Variants in CEP131 observed in about 807,000 individuals in gnomAD.
The protein encoded by CEP131 is centrosomal protein of 131 kDa.
A neutral mutation model predicts 136.8 loss-of-function variants in CEP131; 99 were observed. That is an observed-to-expected ratio of 0.72 (90% CI 0.62 to 0.86). The LOEUF is 0.86. Ranked by LOEUF, CEP131 falls within the 40% of genes least tolerant of loss-of-function variation. The probability of loss-of-function intolerance (pLI) is 0.00; values close to 1 mark genes in which losing one functional copy is unlikely to be tolerated. For synonymous variants in CEP131, 646 were observed against 612.7 expected (o/e 1.05, Z -0.80); for missense variants, 1,459 against 1,463.0 (o/e 1.00, Z 0.04).
intron 12 of CEP131, 106 bp downstream of exon 12, chr17:81,198,009 A>G (rs2061803397): frequency 6.7e-7 from 1 of 1,489,638 alleles, no homozygotes; most frequent in Non-Finnish European, 8.9e-7. Flanking sequence ...TAAAGCCAGG[A>G]GGAGCCTGTG....
At position 81,202,284 on chromosome 17, in the gene CEP131, CGTG is replaced by C; in HGVS notation, c.741_743del (p.Ser247_Thr248delinsArg). The C allele has an allele frequency of 6.2e-7, 1 of 1,612,790 alleles. No homozygotes were observed. Among genetic ancestry groups the C allele is most frequent in the Non-Finnish European group, 8.5e-7 (1 of 1,179,592 alleles). ...TCACCTCCTTCCGCCTGGGCAAGCC[CGTG>C]CTGCCCCCAGTATTGTTCCGGGCTG... On this transcript the variant is annotated inframe_deletion, in exon 7 of 26. Coordinates refer to ENST00000450824, the MANE Select transcript of CEP131 (RefSeq NM_014984.4).
intron 7 of CEP131, among the ~76,000 whole-genome samples, chr17:81,202,026 G>A (rs1044448580): frequency 1.1e-4 from 17 of 152,044 alleles, no homozygotes; most frequent in Non-Finnish European, 2.2e-4. Flanking sequence ...GTGTGAACCC[G>A]GGAGGCAGAG....
intron 18 of CEP131, 126 bp downstream of exon 18, chr17:81,193,786 GGCCAAGGGCCCTGC>G (rs1207796723): frequency 4.1e-6 from 4 of 975,884 alleles, no homozygotes; most frequent in Non-Finnish European, 5.8e-6. Flanking sequence ...GCCACTCCAG[GGCCAAGGGCCCTGC>G]GTCCTCCCTG....
intron 21 of CEP131, among the ~76,000 whole-genome samples, chr17:81,191,849 C>A (rs2061647978): frequency 6.6e-6 from 1 of 152,172 alleles, no homozygotes. Flanking sequence ...GGGTGTGAAA[C>A]CAGGTGACGG....
intron 1 of CEP131, among the ~76,000 whole-genome samples, chr17:81,220,524 C>T (rs2062364029): frequency 6.6e-6 from 1 of 152,120 alleles, no homozygotes; most frequent in African/African-American, 2.4e-5. Flanking sequence ...AACAGAGTCT[C>T]GTTCTTGTCA....
chr17:81,197,576 G>A lies in CEP131; in HGVS notation c.1647+136C>T, dbSNP rs1376408720. 9.8e-5 allele frequency: 127 copies of A among 1,297,614 alleles called. 2 individuals carry two copies. In the African/African-American group the frequency reaches 1.9e-3, roughly 20 times the overall value. The allele number at this position is 1,297,614 out of a possible 1,614,324, so 80.4% of individuals were successfully genotyped here. A position where few individuals can be genotyped will look rare whatever the true frequency, so the allele number is the denominator to read the frequency against. On this transcript the variant is annotated intron_variant, in intron 13 of 25. Transcript: ENST00000450824. ...GACCACCTCCTGCTGGGGGCCGGGTGGGGGCTGGCGAGAGACCTCCTCCCC... is the reference window on the plus strand; with the variant it reads ...GACCACCTCCTGCTGGGGGCCGGGTAGGGGCTGGCGAGAGACCTCCTCCCC...
chr17:81,209,150 A>G, intron 2 of CEP131, 128 bp from the exon 3 acceptor site: 1 of 695,730 alleles, frequency 1.4e-6, no homozygotes, highest in Non-Finnish European at 2.4e-6. Context: ...AGGTGGCCCA[A>G]GTGGCCTCAA....
chr17:81,192,868 T>C, intron 18 of CEP131, 25 bp from the exon 19 acceptor site: 1 of 1,590,140 alleles, frequency 6.3e-7, no homozygotes, highest in Non-Finnish European at 8.5e-7. Context: ...GGACTGGCTC[T>C]CGGGGGCCGG....
At chr17:81,218,348 C>G (rs776226820) in intron 2 of CEP131, among the ~76,000 whole-genome samples, 1 of 152,184 alleles carries the variant, frequency 6.6e-6, no homozygotes, top group Non-Finnish European at 1.5e-5. Context: ...CAGCCCAGAT[C>G]TGCGATTTCG....
Position 81,192,541 on chromosome 17 carries a change from C to T in CEP131, c.2482G>A (p.Ala828Thr), listed in dbSNP as rs2061664297. The change falls in exon 20 of 26, where the codon GCA (alanine) becomes ACA (threonine). Residue 828 changes from alanine (A) to threonine (T), a missense_variant. Around this residue, in one of 3 missense-constraint regions of CEP131, gnomAD observed 1,026 missense variants for 964.2 expected, o/e 1.06. Transcript: ENST00000450824. ...LRQQLEESSS[A>T]LTRALRAEFE... Reference sequence around the variant, plus strand: ...TCAGCCCTCAGGGCTCGGGTCAGTGCAGAGCTGCTCTCCTCCAGCTGCTGC... The same window carrying T: ...TCAGCCCTCAGGGCTCGGGTCAGTGTAGAGCTGCTCTCCTCCAGCTGCTGC... 1 of 1,610,400 alleles carries T rather than the reference C, an allele frequency of 6.2e-7. No homozygotes were observed. The highest frequency in any genetic ancestry group is 8.5e-7 in the Non-Finnish European group (1 of 1,179,560).
intron 15 of CEP131, 70 bp downstream of exon 15, chr17:81,196,631 G>A: frequency 1.3e-6 from 2 of 1,534,416 alleles, no homozygotes; most frequent in Admixed American, 2.0e-5. Context: ...GCAGTGGGAA[G>A]CCCCTGGCTC....
chr17:81,198,193 C>A lies in CEP131; in HGVS notation c.1392G>T (p.Leu464=). Residue 464 remains leucine, a synonymous_variant, in exon 12 of 26, where the codon CTG becomes CTT. Transcript: ENST00000450824. ...CGTCCGGCTCCTTCTCCAGCAGCTG[C>A]AGTGTGTGCAGCAGCTCCTCCAGTG... ...RGPLEELLHT[L]QLLEKEPDVL... is the part of the protein sequence containing the mutation. 6.3e-7 allele frequency: 1 copy of A among 1,588,376 alleles called. No homozygotes were observed. The highest frequency in any genetic ancestry group is 8.6e-7 in the Non-Finnish European group (1 of 1,167,244).
intron 2 of CEP131, among the ~76,000 whole-genome samples, chr17:81,211,084 G>A (rs1038438227): frequency 5.9e-5 from 9 of 152,198 alleles, no homozygotes; most frequent in African/African-American, 1.7e-4. Flanking sequence ...AAGTACTCAC[G>A]GGCTTGGTCA....
In CEP131 at chr17:81,192,554, C is replaced by T. The variant is rs748407298; in HGVS notation, c.2469G>A (p.Glu823=). 1.9e-6 allele frequency: 3 copies of T among 1,609,792 alleles called. No homozygotes were observed. Among genetic ancestry groups the T allele is most frequent in the East Asian group, 4.5e-5 (2 of 44,834 alleles). Residue 823 remains glutamate, a synonymous_variant, in exon 20 of 26, where the codon GAG becomes GAA. Transcript: ENST00000450824. ...AELEELRQQL[E]ESSSALTRAL... is the part of the protein sequence containing the mutation. ...CTCGGGTCAGTGCAGAGCTGCTCTC[C>T]TCCAGCTGCTGCCTCAGCTCTTCCA...
At chr17:81,191,360 G>A (rs1167570325) in intron 21 of CEP131, 25 bp from the exon 22 acceptor site, 2 of 1,612,016 alleles carry the variant, frequency 1.2e-6, no homozygotes, top group South Asian at 1.1e-5. Flanking sequence ...GCTGCCTGGG[G>A]GTTGCCACCC....
rs1205265822 is a variant in CEP131, at chr17:81,219,976, C to A, written c.81G>T (p.Pro27=). 1.9e-6 allele frequency: 3 copies of A among 1,611,950 alleles called. No homozygotes were observed. The highest frequency in any genetic ancestry group is 2.7e-5 in the African/African-American group (2 of 74,940). ...GVDLSLTGLP[P]PVSRRPGSAA... ...CACTGCCAGGACGCCGGGACACAGG[C>A]GGAGGGAGACCTGTCAGACTCAGGT... Residue 27 remains proline (P), a synonymous_variant, in exon 2 of 26, where the codon CCG becomes CCT. Transcript: ENST00000450824. This position sits in a 1 kb window ranked among gnomAD's most constrained non-coding sequence, Gnocchi z 4.0.
chr17:81,196,735 G>T lies in CEP131; in HGVS notation c.1865C>A (p.Ala622Asp). The stretch of plus-strand genomic sequence containing the variant: ...GAAGGCCAAGTGCCGCTGGATGGTG[G>T]CCTCGTAGTGCTCCCTCTGCCGCTG... ...QLQRQREHYE[A>D]TIQRHLAFID... is the part of the protein sequence containing the mutation. The change falls in exon 15 of 26, where the codon GCC becomes GAC. Residue 622 changes from alanine to aspartate, a missense_variant. Physicochemically the swap from Ala to Asp is moderately radical, Grantham distance 126. Around this residue, in one of 3 missense-constraint regions of CEP131, gnomAD observed 1,026 missense variants for 964.2 expected, o/e 1.06. Coordinates refer to ENST00000450824, the MANE Select transcript of CEP131 (RefSeq NM_014984.4). The T allele has an allele frequency of 6.2e-7, 1 of 1,603,612 alleles. No individual in the cohort carries two copies. Among genetic ancestry groups the T allele is most frequent in the South Asian group, 1.1e-5 (1 of 89,730 alleles).
At chr17:81,190,613 C>T in intron 24 of CEP131, 26 bp downstream of exon 24, 1 of 1,544,592 alleles carries the variant, frequency 6.5e-7, no homozygotes, top group South Asian at 1.2e-5. Flanking sequence ...GCCTCCGTCT[C>T]CAGCCCTGCA....
chr17:81,194,348 C>T (rs930425578), intron 17 of CEP131, among the ~76,000 whole-genome samples: 1 of 152,194 alleles, frequency 6.6e-6, no homozygotes, highest in African/African-American at 2.4e-5. Context: ...GCTCAGGGCT[C>T]CTGACACTCC....
Sources: allele counts gnomAD v4.1 joint callset (sites outside exome capture counted in the v4.1 genomes callset), GRCh38; gene constraint gnomAD v4.1.1; regional missense constraint gnomAD v4.1.1; non-coding constraint Gnocchi (gnomAD v3.1); transcripts MANE v1.5; gene names NCBI Gene and HGNC (gene_info 2026-07-23, HGNC 2026-07-21).